The following UGT1A9 variants were observed in gnomAD, a reference collection of about 807,000 sequenced individuals.
UGT1A9 encodes UDP glucuronosyltransferase family 1 member A9, also known as UDP-glucuronosyltransferase 1A9.
UGT1A9 carries 35 observed loss-of-function variants against 45.0 expected under a neutral mutation model. The observed-to-expected ratio is 0.78, with a 90% CI of 0.59 to 1.03. The LOEUF (loss-of-function observed/expected upper bound fraction) is 1.03. Among genes scored for constraint, UGT1A9 ranks in the 50% least tolerant of loss-of-function variants. The probability of loss-of-function intolerance (pLI) is 0.00; values close to 1 mark genes in which losing one functional copy is unlikely to be tolerated. For synonymous variants in UGT1A9, 278 were observed against 250.6 expected (o/e 1.11, Z -1.03); for missense variants, 687 against 666.6 (o/e 1.03, Z -0.34).
intron 1 of UGT1A9, among the ~76,000 whole-genome samples, chr2:233,727,802 A>G (rs1335895993): frequency 2.0e-5 from 3 of 152,156 alleles, no homozygotes; most frequent in East Asian, 1.9e-4. Context: ...TGCCTGTCCC[A>G]TGGGTTCTGT....
chr2:233,712,608 G>A (rs889827578), intron 1 of UGT1A9, among the ~76,000 whole-genome samples: 3 of 152,186 alleles, frequency 2.0e-5, no homozygotes, highest in African/African-American at 7.2e-5. Flanking sequence ...GGGGACTAGG[G>A]CAATGGTGAC....
In UGT1A9 at chr2:233,672,540, T is replaced by A; in HGVS notation, c.606T>A (p.Thr202=). Reference sequence around the variant, plus strand: ...TCTTAGGGTTCTCAGATGCCATGACTTTCAAGGAGAGAGTACGGAACCACA... The same window carrying A: ...TCTTAGGGTTCTCAGATGCCATGACATTCAAGGAGAGAGTACGGAACCACA... ...RILLGFSDAM[T]FKERVRNHIM... Residue 202 remains threonine (T), a synonymous_variant, in exon 1 of 5, where the codon ACT becomes ACA. Transcript: ENST00000354728. 1 of 1,613,952 alleles carries A rather than the reference T, an allele frequency of 6.2e-7. No homozygotes were observed. The highest frequency in any genetic ancestry group is 8.5e-7 in the Non-Finnish European group (1 of 1,179,848).
chr2:233,751,741 C>G (rs1161851392), intron 1 of UGT1A9, among the ~76,000 whole-genome samples: 2 of 152,164 alleles, frequency 1.3e-5, no homozygotes, highest in East Asian at 1.9e-4. Context: ...CTCTGTTTCT[C>G]TCTTGCTTGC....
At position 233,768,333 on chromosome 2, in the gene UGT1A9, A is replaced by C. The variant is rs28934877; in HGVS notation, c.1189A>C (p.Asn397His). The change falls in exon 4 of 5, where the codon AAT becomes CAT. Residue 397 changes from asparagine (N) to histidine (H), a missense_variant. By Grantham distance (68) the Asn-to-His change is moderately conservative. Transcript: ENST00000354728. ...GCCCTTGTTTGGTGATCAGATGGAC[A>C]ATGCAAAGCGCATGGAGACTAAGGG... Reference protein sequence around the residue: ...MMPLFGDQMDNAKRMETKGAG... With the variant: ...MMPLFGDQMDHAKRMETKGAG... The C allele has an allele frequency of 3.7e-6, 6 of 1,614,220 alleles. 1 individual carries two copies. In the East Asian group the frequency reaches 1.1e-4, roughly 30 times the overall value.
chr2:233,704,256 C>CCTT (rs1553607929), intron 1 of UGT1A9, among the ~76,000 whole-genome samples: 3 of 123,680 alleles, frequency 2.4e-5, no homozygotes, highest in African/African-American at 9.8e-5. Context: ...GCCTTTATTG[C>CCTT]TTTTTTTTTT....
chr2:233,693,741 T>C, intron 1 of UGT1A9: 1 of 1,614,246 alleles, frequency 6.2e-7, no homozygotes, highest in Non-Finnish European at 8.5e-7. Flanking sequence ...ATAATCACCT[T>C]ATATCAGAAG....
At chr2:233,705,239 T>C (rs1425135036) in intron 1 of UGT1A9, among the ~76,000 whole-genome samples, 1 of 152,242 alleles carries the variant, frequency 6.6e-6, no homozygotes, top group Non-Finnish European at 1.5e-5. Flanking sequence ...TTTTTCTGTA[T>C]GAATTCAGAT....
chr2:233,729,156 G>A (rs397978902), intron 1 of UGT1A9: 62 of 1,613,462 alleles, frequency 3.8e-5, no homozygotes, highest in East Asian at 8.9e-5. Flanking sequence ...TTCCCCTGCC[G>A]TGGCTGGCCA....
chr2:233,772,291 G>A lies in UGT1A9; in HGVS notation c.1325G>A (p.Ser442Asn), dbSNP rs1248654212. 6.2e-7 allele frequency: 1 copy of A among 1,614,228 alleles called. No individual in the cohort carries two copies. The highest frequency in any genetic ancestry group is 1.1e-5 in the South Asian group (1 of 91,084). The change falls in exon 5 of 5, where the codon AGC becomes AAC. Residue 442 changes from serine (S) to asparagine (N), a missense_variant. Ser to Asn is a conservative substitution (Grantham distance 46, BLOSUM62 1). Transcript: ENST00000354728. ...SYKENIMRLS[S>N]LHKDRPVEPL... ...AAGGAGAACATCATGCGCCTCTCCAGCCTTCACAAGGACCGCCCGGTGGAG... is the reference window on the plus strand; with the variant it reads ...AAGGAGAACATCATGCGCCTCTCCAACCTTCACAAGGACCGCCCGGTGGAG...
At chr2:233,718,347 A>G (rs1195672744) in intron 1 of UGT1A9, among the ~76,000 whole-genome samples, 2 of 152,214 alleles carry the variant, frequency 1.3e-5, no homozygotes, top group African/African-American at 4.8e-5. Flanking sequence ...TGTCTTTTGG[A>G]TGTGCTGTGT....
chr2:233,772,994 C>G lies in UGT1A9; in HGVS notation c.*435C>G, dbSNP rs1700561362. The G allele has an allele frequency of 1.2e-5, 3 of 254,612 alleles. No homozygotes were observed. Among genetic ancestry groups the G allele is most frequent in the Admixed American group, 5.0e-5 (1 of 19,886 alleles). The allele number at this position is 254,612 out of a possible 1,614,324, so 15.8% of individuals were successfully genotyped here. On this transcript the variant is annotated 3_prime_UTR_variant, in exon 5 of 5. Transcript: ENST00000354728. Reference sequence around the variant, plus strand: ...AACCAATAATGGTCAGTCCTCATCTCTGTCGTGCTTCATAGGTGCCACCTT... The same window carrying G: ...AACCAATAATGGTCAGTCCTCATCTGTGTCGTGCTTCATAGGTGCCACCTT...
intron 1 of UGT1A9, among the ~76,000 whole-genome samples, chr2:233,684,485 G>A (rs1229597052): frequency 1.3e-5 from 2 of 151,942 alleles, no homozygotes; most frequent in Non-Finnish European, 2.9e-5. Context: ...TGGCTCAAAG[G>A]GTCACCCAAA....
intron 1 of UGT1A9, chr2:233,755,094 G>A (rs1173383438): frequency 1.5e-6 from 2 of 1,335,004 alleles, no homozygotes; most frequent in Non-Finnish European, 2.0e-6. Flanking sequence ...GCGTTTCTAC[G>A]CGTCCGACAA....
chr2:233,753,302 G>A (rs17862878), intron 1 of UGT1A9: 18,739 of 152,254 alleles, frequency 0.12, 1,732 homozygotes, highest in African/African-American at 0.24. Flanking sequence ...GTGAGACCCC[G>A]TGTGCCCCTG....
chr2:233,721,002 A>G (rs1257155820), intron 1 of UGT1A9, among the ~76,000 whole-genome samples: 2 of 152,002 alleles, frequency 1.3e-5, no homozygotes, highest in African/African-American at 2.4e-5. Context: ...AGAGCCACCA[A>G]GCCCAGTGAG....
intron 1 of UGT1A9, among the ~76,000 whole-genome samples, chr2:233,700,694 C>T (rs1168868240): frequency 6.6e-6 from 1 of 151,780 alleles, no homozygotes; most frequent in African/African-American, 2.4e-5. Context: ...ATATAAACTA[C>T]ACTTTGAATG....
Position 233,677,560 on chromosome 2 carries a change from C to T in UGT1A9, c.855+4771C>T, listed in dbSNP as rs139096739. On this transcript the variant is annotated intron_variant, in intron 1 of 4. Transcript: ENST00000354728. ...GAGAAAAGAAAATGTTATTAAAAAA[C>T]GTAACATATGAAAAAATGCTCAACA... 1.6e-4 allele frequency among the ~76,000 whole-genome samples: 24 copies of T among 152,062 alleles called. No homozygotes were observed. The South Asian group carries it at 2.1e-3, about 13-fold the overall frequency.
chr2:233,678,270 A>T (rs1270285858), intron 1 of UGT1A9, among the ~76,000 whole-genome samples: 1 of 152,228 alleles, frequency 6.6e-6, no homozygotes, highest in Non-Finnish European at 1.5e-5. Context: ...CACACAATAT[A>T]CTCAGGTAAC....
chr2:233,675,448 G>A (rs1197196547), intron 1 of UGT1A9, among the ~76,000 whole-genome samples: 1 of 152,146 alleles, frequency 6.6e-6, no homozygotes, highest in Non-Finnish European at 1.5e-5. Context: ...AAAGAATTCA[G>A]GCTTTGTCTA....
Sources: gnomAD v4.1 joint callset for allele counts (sites outside exome capture counted in the v4.1 genomes callset) on GRCh38, gnomAD v4.1.1 for gene constraint, MANE v1.5 for transcripts, NCBI Gene and HGNC (gene_info 2026-07-23, HGNC 2026-07-21) for gene names.